Variants in PCDH11X observed in about 807,000 individuals in gnomAD.
PCDH11X encodes the protein protocadherin 11 X-linked, also known as protocadherin-11 X-linked.
A neutral mutation model predicts 53.3 loss-of-function variants in PCDH11X; 18 were observed. That is an observed-to-expected ratio of 0.34 (90% CI 0.23 to 0.50). The LOEUF is 0.50. PCDH11X is among the 20% of genes least tolerant of loss of function. The pLI, the probability that PCDH11X is intolerant of heterozygous loss-of-function variation, is 0.98. For synonymous variants in PCDH11X, 279 were observed against 393.3 expected (o/e 0.71, Z 3.44); for missense variants, 570 against 1,032.4 (o/e 0.55, Z 6.14).
intron 6 of PCDH11X, among the ~76,000 whole-genome samples, chrX:92,047,772 G>A (rs1164720686): frequency 1.5e-4 from 16 of 105,998 alleles, no homozygotes; most frequent in African/African-American, 5.5e-4. Context: ...GTCTAATTTA[G>A]GAACATGCAC....
At chrX:92,516,015 G>T (rs912055468) in intron 10 of PCDH11X, among the ~76,000 whole-genome samples, 33 of 112,036 alleles carry the variant, frequency 2.9e-4, no homozygotes, top group African/African-American at 1.0e-3. Context: ...AAAGAGGAAA[G>T]ACTCATAGAC....
chrX:91,869,575 A>G (rs1939171862), intron 5 of PCDH11X, among the ~76,000 whole-genome samples: 1 of 111,241 alleles, frequency 9.0e-6, no homozygotes, highest in Admixed American at 9.6e-5. Flanking sequence ...AATGCAGCTC[A>G]TCTAACTTAA....
At chrX:92,521,354 G>A (rs1323050153) in intron 10 of PCDH11X, among the ~76,000 whole-genome samples, 1 of 111,814 alleles carries the variant, frequency 8.9e-6, no homozygotes, top group Non-Finnish European at 1.9e-5. Context: ...TAGAGCTCTT[G>A]ACTGACCAGG....
intron 7 of PCDH11X, among the ~76,000 whole-genome samples, chrX:92,233,204 G>A (rs1261592248): frequency 4.5e-5 from 5 of 110,534 alleles, no homozygotes; most frequent in Non-Finnish European, 9.5e-5. Flanking sequence ...TTACAGCATT[G>A]TAATAACGTT....
Position 92,460,819 on chromosome X carries a change from G to A in PCDH11X, c.3344-7480G>A, listed in dbSNP as rs1358766248. The A allele has an allele frequency of 1.2e-5, 13 of 1,116,754 alleles. No homozygotes were observed. The East Asian group carries it at 3.9e-4, about 34-fold the overall frequency. The allele number at this position is 1,116,754 out of a possible 1,213,427, so 92.0% of individuals were successfully genotyped here. A position where few individuals can be genotyped will look rare whatever the true frequency, so the allele number is the denominator to read the frequency against. Reference sequence around the variant, plus strand: ...ACCTACCGCCGCCTGCTGGAAGATGGCGAGGACTTCACTCTTGGTGATGCC... The same window carrying A: ...ACCTACCGCCGCCTGCTGGAAGATGACGAGGACTTCACTCTTGGTGATGCC... On this transcript the variant is annotated intron_variant, in intron 9 of 10. Transcript: ENST00000682573.
At chrX:92,474,204 T>C (rs1288897183) in intron 10 of PCDH11X, among the ~76,000 whole-genome samples, 1 of 111,370 alleles carries the variant, frequency 9.0e-6, no homozygotes, top group Non-Finnish European at 1.9e-5. Flanking sequence ...CATTATATAA[T>C]GACTTTCTTT....
intron 9 of PCDH11X, among the ~76,000 whole-genome samples, chrX:92,442,920 A>G (rs1301911335): frequency 9.8e-6 from 1 of 102,371 alleles, no homozygotes; most frequent in Non-Finnish European, 2.0e-5. Flanking sequence ...TATTTCTTTG[A>G]GTATATACCC....
chrX:92,188,865 A>T (rs12687951), intron 6 of PCDH11X, among the ~76,000 whole-genome samples: 17,043 of 110,633 alleles, frequency 0.15, 1,263 homozygotes, highest in Admixed American at 0.28. Flanking sequence ...TTTCTTTGTG[A>T]TAATATGTGT....
At chrX:91,982,115 CTCCACCCCA>C (rs2062149102) in intron 6 of PCDH11X, among the ~76,000 whole-genome samples, 2 of 110,909 alleles carry the variant, frequency 1.8e-5, no homozygotes, top group African/African-American at 6.6e-5. Flanking sequence ...CATCCACCCT[CTCCACCCCA>C]AAATGGCACA....
intron 6 of PCDH11X, among the ~76,000 whole-genome samples, chrX:92,066,648 G>A (rs1245175019): frequency 2.7e-5 from 3 of 111,159 alleles, no homozygotes; most frequent in African/African-American, 6.5e-5. Flanking sequence ...TTCACTGTTC[G>A]CATATAGAAA....
chrX:91,937,262 C>T (rs1237153428), intron 6 of PCDH11X, among the ~76,000 whole-genome samples: 4 of 110,307 alleles, frequency 3.6e-5, no homozygotes, highest in Admixed American at 9.7e-5. Context: ...GTTACAGTTT[C>T]GGGAATCTAG....
intron 9 of PCDH11X, among the ~76,000 whole-genome samples, chrX:92,450,233 AG>A (rs1427637855): frequency 9.1e-6 from 1 of 110,181 alleles, no homozygotes; most frequent in Admixed American, 9.8e-5. Context: ...TTTATTGGTA[AG>A]CACATAACCC....
chrX:92,155,617 CTTTTTTTTTTTTTT>C (rs775178966), intron 6 of PCDH11X, among the ~76,000 whole-genome samples: 1 of 79,781 alleles, frequency 1.3e-5, no homozygotes, highest in African/African-American at 5.6e-5. Flanking sequence ...ACTTCAATAG[CTTTTTTTTTTTTTT>C]TTTTTTTTTT....
intron 10 of PCDH11X, among the ~76,000 whole-genome samples, chrX:92,472,786 C>G (rs1307829435): frequency 9.0e-6 from 1 of 110,701 alleles, no homozygotes; most frequent in Non-Finnish European, 1.9e-5. Context: ...TTTGTGTCAT[C>G]TCTGATTTCT....
At chrX:92,460,826 C>T (rs1290693186) in intron 9 of PCDH11X, 18 of 1,099,961 alleles carry the variant, frequency 1.6e-5, no homozygotes, top group Middle Eastern at 3.3e-4. Flanking sequence ...ATGGCGAGGA[C>T]TTCACTCTTG....
chrX:92,153,493 G>A (rs981989827), intron 6 of PCDH11X, among the ~76,000 whole-genome samples: 2 of 111,903 alleles, frequency 1.8e-5, no homozygotes, highest in Admixed American at 9.5e-5. Context: ...GTAATAGCAA[G>A]TTTAAGCACA....
chrX:92,287,168 T>C (rs976722129), intron 8 of PCDH11X, among the ~76,000 whole-genome samples: 3 of 111,577 alleles, frequency 2.7e-5, no homozygotes, highest in African/African-American at 9.8e-5. Context: ...ATTTATTTTA[T>C]ATTTTATTTT....
intron 4 of PCDH11X, among the ~76,000 whole-genome samples, chrX:91,815,146 T>C (rs960523322): frequency 9.0e-6 from 1 of 111,387 alleles, no homozygotes; most frequent in Non-Finnish European, 1.9e-5. Flanking sequence ...GGATTTATTA[T>C]AAAACAAGAC....
At position 92,618,489 on chromosome X, in the gene PCDH11X, G is replaced by C; in HGVS notation, c.3593G>C (p.Ser1198Thr). Residue 1198 changes from serine (S) to threonine (T), a missense_variant, in exon 11 of 11, where the codon AGC (serine) becomes ACC (threonine). By Grantham distance (58) the Ser-to-Thr change is moderately conservative. Around this residue, in one of 6 missense-constraint regions of PCDH11X, gnomAD observed 234 missense variants for 296.1 expected, o/e 0.79. Coordinates refer to ENST00000682573, the MANE Select transcript of PCDH11X (RefSeq NM_032968.5). Reference protein sequence around the residue: ...RVTQTIALCHSPPVTQTIALC... With the variant: ...RVTQTIALCHTPPVTQTIALC... ...ACACAGACCATTGCTCTCTGCCACA[G>C]CCCTCCAGTGACACAGACCATCGCA... The C allele has an allele frequency of 8.3e-7, 1 of 1,211,479 alleles. No homozygotes were observed. Among genetic ancestry groups the C allele is most frequent in the Non-Finnish European group, 1.1e-6 (1 of 895,400 alleles).
Sources: gnomAD v4.1 joint callset for allele counts (sites outside exome capture counted in the v4.1 genomes callset) on GRCh38, gnomAD v4.1.1 for gene constraint, gnomAD v4.1.1 regional missense constraint, MANE v1.5 for transcripts, NCBI Gene and HGNC (gene_info 2026-07-23, HGNC 2026-07-21) for gene names.